The following CGNL1 variants were observed in gnomAD, a reference collection of about 807,000 sequenced individuals.
The protein encoded by CGNL1 is cingulin like 1.
A neutral mutation model predicts 141.2 loss-of-function variants in CGNL1; 132 were observed. The ratio of observed to expected loss-of-function variants is 0.93; its 90% confidence interval spans 0.81 to 1.08. CGNL1 has a LOEUF of 1.08. Ranked by LOEUF, CGNL1 falls within the 50% of genes least tolerant of loss-of-function variation. The pLI, the probability that CGNL1 is intolerant of heterozygous loss-of-function variation, is 0.00. For synonymous variants in CGNL1, 690 were observed against 622.1 expected (o/e 1.11, Z -1.63); for missense variants, 1,870 against 1,588.6 (o/e 1.18, Z -3.01).
chr15:57,431,691 A>C (rs2063046813), intron 1 of CGNL1, among the ~76,000 whole-genome samples: 1 of 151,974 alleles, frequency 6.6e-6, no homozygotes, highest in Non-Finnish European at 1.5e-5. Context: ...CGCCCAAAGC[A>C]AATTCGTAAA....
chr15:57,535,051 G>T lies in CGNL1; in HGVS notation c.3291+3272G>T, dbSNP rs570111377. Among the ~76,000 whole-genome samples, 12 of 152,278 alleles carry T rather than the reference G, an allele frequency of 7.9e-5. No individual in the cohort carries two copies. In the South Asian group the frequency reaches 2.5e-3, roughly 32 times the overall value. On this transcript the variant is annotated intron_variant, in intron 14 of 18. Coordinates refer to ENST00000281282, the MANE Select transcript of CGNL1 (RefSeq NM_032866.5). ...GGCCAACCCCTCTCATAGACTGTTA[G>T]ATCTGGCAAGGACCTCAGAGTCCAA... is the stretch of plus-strand genomic sequence containing the variant.
chr15:57,462,948 T>C (rs2063465332), intron 8 of CGNL1, among the ~76,000 whole-genome samples: 1 of 152,214 alleles, frequency 6.6e-6, no homozygotes, highest in Admixed American at 6.5e-5. Context: ...TGAGGGGACA[T>C]GCCTGTTATT....
intron 8 of CGNL1, among the ~76,000 whole-genome samples, chr15:57,489,278 G>T (rs1193794653): frequency 6.6e-6 from 1 of 152,198 alleles, no homozygotes; most frequent in East Asian, 1.9e-4. Flanking sequence ...ATGTAGGAAA[G>T]ATGAGTTGTT....
rs966994685 is a variant in CGNL1, at chr15:57,401,727, T to C, written c.-16+25160T>C. Among the ~76,000 whole-genome samples, 11 of 152,206 alleles carry C rather than the reference T, an allele frequency of 7.2e-5. No homozygotes were observed. The South Asian group carries it at 1.7e-3, about 23-fold the overall frequency. On this transcript the variant is annotated intron_variant, in intron 1 of 18. Coordinates refer to ENST00000281282, the MANE Select transcript of CGNL1 (RefSeq NM_032866.5). The stretch of plus-strand genomic sequence containing the variant: ...CATTCTCAAATTTCCTTATGACGCA[T>C]TCTGTGGTAAAGACTGCTAATTTTA...
chr15:57,391,450 T>C (rs1211700580), intron 1 of CGNL1, among the ~76,000 whole-genome samples: 1 of 152,154 alleles, frequency 6.6e-6, no homozygotes, highest in Non-Finnish European at 1.5e-5. Flanking sequence ...CAGGAATAGA[T>C]GGGGACCAAA....
chr15:57,533,524 C>T (rs57995724), intron 14 of CGNL1, among the ~76,000 whole-genome samples: 8,089 of 152,250 alleles, frequency 0.053, 347 homozygotes, highest in African/African-American at 0.12. Flanking sequence ...GTTTTGCCAG[C>T]GCTTCTTGTG....
At chr15:57,419,635 G>A (rs2062890859) in intron 1 of CGNL1, among the ~76,000 whole-genome samples, 1 of 152,036 alleles carries the variant, frequency 6.6e-6, no homozygotes, top group African/African-American at 2.4e-5. Context: ...TCCCATTATG[G>A]GGCTTCTATG....
chr15:57,396,068 G>A (rs767069834), intron 1 of CGNL1, among the ~76,000 whole-genome samples: 1 of 152,110 alleles, frequency 6.6e-6, no homozygotes, highest in African/African-American at 2.4e-5. Flanking sequence ...TTAGTATTAT[G>A]TTTGTGAAAT....
At chr15:57,524,477 T>A in intron 11 of CGNL1, 104 bp from the exon 12 acceptor site, 1 of 1,093,592 alleles carries the variant, frequency 9.1e-7, no homozygotes, top group Non-Finnish European at 1.3e-6. Context: ...GAGGGGGCCA[T>A]AGAAGAAAGG....
rs1555428834 is a variant in CGNL1, at chr15:57,383,298, T to TTTTTTTTTTTTTTTTTTTTTTG, written c.-16+6738_-16+6739insTTTTTTTTTTTTTTGTTTTTTT. ...ACTTAAGATTTCTTTCTTCCTTTTT[T>TTTTTTTTTTTTTTTTTTTTTTG]TTTTTTTGTTTTTTTGATACAGAGT... On this transcript the variant is annotated intron_variant, in intron 1 of 18. Coordinates refer to ENST00000281282, the MANE Select transcript of CGNL1 (RefSeq NM_032866.5). 4.9e-5 allele frequency among the ~76,000 whole-genome samples: 7 copies of TTTTTTTTTTTTTTTTTTTTTTG among 141,616 alleles called. No homozygotes were observed. The East Asian group carries it at 6.5e-4, about 13-fold the overall frequency. 92.9% of individuals were successfully genotyped at this position (141,616 alleles called of 152,430 possible).
At chr15:57,534,191 T>C (rs1424994057) in intron 14 of CGNL1, among the ~76,000 whole-genome samples, 1 of 151,940 alleles carries the variant, frequency 6.6e-6, no homozygotes, top group Non-Finnish European at 1.5e-5. Context: ...GTTCCACCAA[T>C]GTCTATAACC....
intron 1 of CGNL1, among the ~76,000 whole-genome samples, chr15:57,384,724 A>G (rs1348283781): frequency 1.3e-5 from 2 of 152,224 alleles, no homozygotes; most frequent in South Asian, 2.1e-4. Flanking sequence ...AAACCTTTAA[A>G]GAGACGAGAC....
At chr15:57,443,898 G>C (rs946519846) in intron 4 of CGNL1, among the ~76,000 whole-genome samples, 1 of 152,164 alleles carries the variant, frequency 6.6e-6, no homozygotes, top group African/African-American at 2.4e-5. Context: ...GGGGCTTTGG[G>C]TATAACTTAG....
intron 16 of CGNL1, 151 bp downstream of exon 16, chr15:57,544,748 T>G (rs933924865): frequency 4.9e-5 from 48 of 982,112 alleles, no homozygotes; most frequent in Non-Finnish European, 6.3e-5. Context: ...ATTTCCATTT[T>G]ATAGGTGGGA....
chr15:57,509,295 TC>T (rs1230500423), intron 8 of CGNL1, among the ~76,000 whole-genome samples: 6 of 152,198 alleles, frequency 3.9e-5, no homozygotes, highest in Admixed American at 1.3e-4. Context: ...TCTCTGGATG[TC>T]CCGGCCTCCA....
chr15:57,411,700 C>T (rs1200485633), intron 1 of CGNL1, among the ~76,000 whole-genome samples: 1 of 151,926 alleles, frequency 6.6e-6, no homozygotes, highest in Non-Finnish European at 1.5e-5. Flanking sequence ...CCACCTCAGC[C>T]TCCCAAAGTG....
At chr15:57,400,291 C>T (rs1430400986) in intron 1 of CGNL1, among the ~76,000 whole-genome samples, 1 of 152,186 alleles carries the variant, frequency 6.6e-6, no homozygotes, top group African/African-American at 2.4e-5. Flanking sequence ...TTGCACCCAG[C>T]CTCTTCTCAT....
chr15:57,449,105 C>A (rs558768550), intron 4 of CGNL1, among the ~76,000 whole-genome samples: 3 of 152,118 alleles, frequency 2.0e-5, no homozygotes, highest in Non-Finnish European at 4.4e-5. Flanking sequence ...GAGTTGGAAC[C>A]CTAGTGTCTC....
In CGNL1 at chr15:57,452,580, G is replaced by A. The variant is rs542983006; in HGVS notation, c.2054+291G>A. ...AGGTAAGTGGGAAGCAGGGAGCACT[G>A]AGCGCTGATACTGAAAGACAGAGTT... On this transcript the variant is annotated intron_variant, in intron 6 of 18. Transcript: ENST00000281282. Among the ~76,000 whole-genome samples the A allele has an allele frequency of 6.6e-5, 10 of 152,290 alleles. No homozygotes were observed. In the South Asian group the frequency reaches 2.1e-3, roughly 32 times the overall value.
Sources: gnomAD v4.1 joint callset for allele counts (sites outside exome capture counted in the v4.1 genomes callset) on GRCh38, gnomAD v4.1.1 for gene constraint, MANE v1.5 for transcripts, NCBI Gene and HGNC (gene_info 2026-07-23, HGNC 2026-07-21) for gene names.